DIP2C: variants seen among roughly 807,000 people sequenced by gnomAD.
DIP2C encodes the protein DIP2 acetate--CoA ligase C (putative), also known as disco-interacting protein 2 homolog C.
Under a neutral mutation model 192.4 loss-of-function variants are expected in DIP2C, and 33 were observed. That is an observed-to-expected ratio of 0.17 (90% CI 0.13 to 0.23). The LOEUF (loss-of-function observed/expected upper bound fraction) is 0.23, where lower values mean the gene tolerates loss of function less well. Among genes scored for constraint, DIP2C ranks in the 10% least tolerant of loss-of-function variants. DIP2C has a pLI of 1.00. For synonymous variants in DIP2C, 979 were observed against 864.1 expected (o/e 1.13, Z -2.33); for missense variants, 1,537 against 2,110.1 (o/e 0.73, Z 5.32).
chr10:492,002 G>A (rs1043119295), intron 1 of DIP2C, among the ~76,000 whole-genome samples: 5 of 151,984 alleles, frequency 3.3e-5, no homozygotes, highest in African/African-American at 9.7e-5. Context: ...GAAAACAGGG[G>A]CAAGAGGAAT....
chr10:533,849 G>C (rs1023655570), intron 1 of DIP2C, among the ~76,000 whole-genome samples: 4 of 152,058 alleles, frequency 2.6e-5, no homozygotes, highest in African/African-American at 7.2e-5. Flanking sequence ...TGAACCGTGG[G>C]AAAATGAACT....
At chr10:580,816 CAG>C (rs1421373411) in intron 1 of DIP2C, among the ~76,000 whole-genome samples, 1 of 152,156 alleles carries the variant, frequency 6.6e-6, no homozygotes, top group African/African-American at 2.4e-5. Context: ...GACAAAAACA[CAG>C]TGAGAAGGGC....
intron 2 of DIP2C, among the ~76,000 whole-genome samples, chr10:472,757 C>T (rs1418733542): frequency 3.3e-5 from 5 of 152,108 alleles, no homozygotes; most frequent in East Asian, 3.9e-4. Context: ...GGCTAGACGC[C>T]GCCACGGTCC....
At chr10:416,474 C>T (rs558110520) in intron 6 of DIP2C, among the ~76,000 whole-genome samples, 14 of 152,262 alleles carry the variant, frequency 9.2e-5, no homozygotes, top group African/African-American at 2.6e-4. Context: ...GCTCCTCACA[C>T]GCGTTCCAAA....
intron 1 of DIP2C, among the ~76,000 whole-genome samples, chr10:529,579 A>G (rs529159696): frequency 1.3e-3 from 194 of 152,312 alleles, no homozygotes; most frequent in Non-Finnish European, 2.0e-3. Context: ...AAGACAGGAG[A>G]CAGATCCTAA....
chr10:562,704 T>C (rs1259574467), intron 1 of DIP2C, among the ~76,000 whole-genome samples: 6 of 152,252 alleles, frequency 3.9e-5, no homozygotes, highest in East Asian at 1.9e-4. Context: ...TCTTCCTCAC[T>C]GAAAACAAGT....
intron 26 of DIP2C, 124 bp from the exon 27 acceptor site, chr10:345,234 T>C: frequency 1.0e-6 from 1 of 960,438 alleles, no homozygotes; most frequent in Non-Finnish European, 1.6e-6. Flanking sequence ...CAGATGAGGT[T>C]ACCGAGCCCT....
intron 29 of DIP2C, among the ~76,000 whole-genome samples, chr10:338,129 T>C (rs115335101): frequency 0.013 from 1,940 of 152,348 alleles, 35 homozygotes; most frequent in African/African-American, 0.044. Flanking sequence ...TTTTGTATAG[T>C]TGTATAATGT....
intron 16 of DIP2C, 133 bp downstream of exon 16, chr10:383,894 A>G (rs1589667847): frequency 2.4e-6 from 3 of 1,268,928 alleles, no homozygotes; most frequent in South Asian, 4.0e-5. Context: ...TTAGAAAAAG[A>G]AAAATCAAAG....
At chr10:384,193 G>A (rs369832111) in intron 15 of DIP2C, 47 bp from the exon 16 acceptor site, 24 of 1,594,824 alleles carry the variant, frequency 1.5e-5, no homozygotes, top group South Asian at 2.3e-5. Context: ...CCGTCAGATC[G>A]TCCCCTATTG....
chr10:330,270 G>A (rs186519098), intron 29 of DIP2C, among the ~76,000 whole-genome samples: 3 of 152,082 alleles, frequency 2.0e-5, no homozygotes, highest in African/African-American at 7.2e-5. Flanking sequence ...TTACCAAACA[G>A]AAGAAATAGA....
At chr10:518,645 G>A (rs1846510482) in intron 1 of DIP2C, among the ~76,000 whole-genome samples, 1 of 152,166 alleles carries the variant, frequency 6.6e-6, no homozygotes, top group African/African-American at 2.4e-5. Flanking sequence ...CACCCATGCT[G>A]CACCCTCATG....
At chr10:449,933 A>G (rs995999550) in intron 3 of DIP2C, among the ~76,000 whole-genome samples, 38 of 144,138 alleles carry the variant, frequency 2.6e-4, no homozygotes, top group African/African-American at 1.1e-3. Flanking sequence ...AAAAAAAAAA[A>G]AAAGAAAATC....
chr10:518,024 G>A (rs1007232659), intron 1 of DIP2C, among the ~76,000 whole-genome samples: 6 of 152,238 alleles, frequency 3.9e-5, no homozygotes, highest in African/African-American at 1.4e-4. Context: ...CAGTTTGGTG[G>A]GGTGGGCGTG....
chr10:473,797 A>G (rs775556424), intron 2 of DIP2C, among the ~76,000 whole-genome samples: 12 of 152,268 alleles, frequency 7.9e-5, no homozygotes, highest in Non-Finnish European at 1.6e-4. Flanking sequence ...AGTTAACAAA[A>G]GAAATATTTA....
intron 17 of DIP2C, among the ~76,000 whole-genome samples, chr10:381,168 C>G (rs920285297): frequency 1.3e-5 from 2 of 152,184 alleles, no homozygotes; most frequent in Non-Finnish European, 2.9e-5. Context: ...CCTAATTCAT[C>G]TCAGGAAATT....
chr10:376,569 T>TC (rs1239443112), intron 17 of DIP2C, among the ~76,000 whole-genome samples: 4 of 151,286 alleles, frequency 2.6e-5, no homozygotes, highest in African/African-American at 9.7e-5. Flanking sequence ...TTTTTTTTTT[T>TC]TTTTTAAACA....
intron 32 of DIP2C, among the ~76,000 whole-genome samples, chr10:290,141 GAA>G (rs1424090389): frequency 6.6e-6 from 1 of 152,212 alleles, no homozygotes; most frequent in Non-Finnish European, 1.5e-5. Context: ...TGATGAGGGA[GAA>G]AGACTTACTG....
chr10:676,742 T>C (rs1588751098), intron 1 of DIP2C, among the ~76,000 whole-genome samples: 2 of 152,112 alleles, frequency 1.3e-5, no homozygotes, highest in South Asian at 4.2e-4. Flanking sequence ...GAAAATAATA[T>C]TCTACCCTCT....
Sources: gnomAD v4.1 joint callset for allele counts (sites outside exome capture counted in the v4.1 genomes callset) on GRCh38, gnomAD v4.1.1 for gene constraint, MANE v1.5 for transcripts, NCBI Gene and HGNC (gene_info 2026-07-23, HGNC 2026-07-21) for gene names.